BIRC6: variants seen among roughly 807,000 people sequenced by gnomAD.
BIRC6 encodes the protein dual E2 ubiquitin-conjugating enzyme/E3 ubiquitin-protein ligase BIRC6.
A neutral mutation model predicts 503.3 loss-of-function variants in BIRC6; 98 were observed. The ratio of observed to expected loss-of-function variants is 0.19; its 90% CI spans 0.17 to 0.23. BIRC6 has a LOEUF of 0.23. Among genes scored for constraint, BIRC6 ranks in the 10% least tolerant of loss-of-function variants. The pLI is 1.00. For missense variants in BIRC6, 5,360 were observed against 5,806.0 expected, an observed-to-expected ratio of 0.92 and a Z score of 2.50; for synonymous variants, 2,240 against 2,078.7, an observed-to-expected ratio of 1.08 and a Z score of -2.11.
rs183880516 is a variant in BIRC6, at chr2:32,441,337, A to C, written c.3819A>C (p.Ser1273=). ...LAKVAAGKEK[S]SNVKNENTSG... ...TTATTTGTAATGTTTAGGAAAAATC[A>C]TCTAATGTTAAGAATGAAAATACAA... Residue 1273 remains serine (S), a synonymous_variant, in exon 17 of 74, where the codon TCA becomes TCC. Transcript: ENST00000421745. 3 of 1,567,928 alleles carry C rather than the reference A, an allele frequency of 1.9e-6. No individual in the cohort carries two copies. The African/African-American group carries it at 4.1e-5, about 21-fold the overall frequency.
At chr2:32,443,301 A>C (rs1041753166) in intron 19 of BIRC6, 190 bp from the exon 20 acceptor site, 1 of 513,214 alleles carries the variant, frequency 1.9e-6, no homozygotes, top group African/African-American at 2.0e-5. Context: ...TGCATAAGAA[A>C]ATATTTACAA....
At chr2:32,611,826 G>A (rs1339002984) in intron 73 of BIRC6, among the ~76,000 whole-genome samples, 1 of 152,136 alleles carries the variant, frequency 6.6e-6, no homozygotes, top group Non-Finnish European at 1.5e-5. Flanking sequence ...GTTTTGTAAA[G>A]TTCCTTGAAG....
chr2:32,573,553 C>T (rs1393614143), intron 65 of BIRC6, among the ~76,000 whole-genome samples: 1 of 152,084 alleles, frequency 6.6e-6, no homozygotes, highest in African/African-American at 2.4e-5. Context: ...GATGTTAGAT[C>T]CTTATCTCAC....
intron 70 of BIRC6, among the ~76,000 whole-genome samples, chr2:32,600,607 CT>C (rs2061989491): frequency 6.6e-6 from 1 of 152,118 alleles, no homozygotes; most frequent in Non-Finnish European, 1.5e-5. Flanking sequence ...GCAACATTGA[CT>C]TTACTTGAGA....
chr2:32,581,612 A>C (rs1255716652), intron 66 of BIRC6, among the ~76,000 whole-genome samples: 2 of 152,244 alleles, frequency 1.3e-5, no homozygotes, highest in African/African-American at 4.8e-5. Flanking sequence ...TGCCATAAAT[A>C]GGAGACAGTG....
At chr2:32,364,439 C>T (rs2034579263) in intron 1 of BIRC6, among the ~76,000 whole-genome samples, 1 of 152,108 alleles carries the variant, frequency 6.6e-6, no homozygotes, top group Non-Finnish European at 1.5e-5. Context: ...GATGGAGTTT[C>T]ACCATGTTGG....
At chr2:32,576,415 C>G (rs1039664439) in intron 66 of BIRC6, among the ~76,000 whole-genome samples, 1 of 152,142 alleles carries the variant, frequency 6.6e-6, no homozygotes, top group Non-Finnish European at 1.5e-5. Context: ...TGACCTTTTC[C>G]TTTCTCATGG....
intron 39 of BIRC6, among the ~76,000 whole-genome samples, chr2:32,482,979 G>A (rs2050578706): frequency 6.7e-6 from 1 of 149,546 alleles, no homozygotes; most frequent in African/African-American, 2.5e-5. Flanking sequence ...GTGCAGTGAT[G>A]TGATCCCATC....
intron 9 of BIRC6, 38 bp downstream of exon 9, chr2:32,406,595 C>A (rs773953479): frequency 1.4e-6 from 2 of 1,449,604 alleles, no homozygotes; most frequent in Non-Finnish European, 1.9e-6. Flanking sequence ...TTAAAAAATT[C>A]TTTACACAGT....
At chr2:32,429,088 T>G (rs2043832600) in intron 10 of BIRC6, 58 bp from the exon 11 acceptor site, 1 of 1,393,994 alleles carries the variant, frequency 7.2e-7, no homozygotes, top group Non-Finnish European at 9.7e-7. Context: ...AGTATTACAT[T>G]TGAATATTTG....
At chr2:32,468,918 C>A in intron 29 of BIRC6, 135 bp downstream of exon 29, 1 of 666,770 alleles carries the variant, frequency 1.5e-6, no homozygotes. Flanking sequence ...TATGAAATGT[C>A]TCTTTAGGTT....
intron 8 of BIRC6, among the ~76,000 whole-genome samples, chr2:32,402,941 T>C (rs2040759819): frequency 6.6e-6 from 1 of 152,222 alleles, no homozygotes; most frequent in African/African-American, 2.4e-5. Context: ...ATCTGCATTT[T>C]AGATAAACAT....
intron 71 of BIRC6, among the ~76,000 whole-genome samples, chr2:32,605,810 A>G: frequency 6.6e-6 from 1 of 152,160 alleles, no homozygotes; most frequent in Non-Finnish European, 1.5e-5. Flanking sequence ...GTGAGCTGAG[A>G]TCGCACCACT....
Position 32,441,309 on chromosome 2 carries a change from T to C in BIRC6, c.3811-20T>C. On this transcript the variant is annotated intron_variant, in intron 16 of 73. Transcript: ENST00000421745. ...AGTTTAGTTTATTTTTTAAAATTCA[T>C]TATTATTTGTAATGTTTAGGAAAAA... The C allele has an allele frequency of 1.4e-6, 2 of 1,416,316 alleles. No homozygotes were observed. The highest frequency in any genetic ancestry group is 2.6e-5 in the South Asian group (2 of 75,552). The allele number at this position is 1,416,316 out of a possible 1,614,324, so 87.7% of individuals were successfully genotyped here.
intron 3 of BIRC6, among the ~76,000 whole-genome samples, chr2:32,383,453 T>G (rs1462330772): frequency 1.3e-5 from 2 of 152,230 alleles, no homozygotes; most frequent in East Asian, 3.8e-4. Flanking sequence ...TCATTCAGCA[T>G]CTCAACTGGT....
At chr2:32,616,444 C>G (rs2063244139) in intron 73 of BIRC6, among the ~76,000 whole-genome samples, 1 of 151,280 alleles carries the variant, frequency 6.6e-6, no homozygotes, top group South Asian at 2.1e-4. Context: ...CCTGTAATAG[C>G]AGTTGCTCGG....
chr2:32,430,802 CTTCTTTTT>C, intron 11 of BIRC6, 55 bp from the exon 12 acceptor site: 1 of 993,292 alleles, frequency 1.0e-6, no homozygotes, highest in Non-Finnish European at 1.5e-6. Flanking sequence ...ACTTCATTGT[CTTCTTTTT>C]TTTTTTTTTT....
intron 12 of BIRC6, among the ~76,000 whole-genome samples, chr2:32,432,218 C>T (rs987729303): frequency 6.6e-6 from 1 of 152,082 alleles, no homozygotes; most frequent in Non-Finnish European, 1.5e-5. Flanking sequence ...GAGTTTAAGA[C>T]CAGCCTGGCC....
intron 65 of BIRC6, among the ~76,000 whole-genome samples, chr2:32,560,582 T>A (rs933916010): frequency 6.6e-6 from 1 of 152,160 alleles, no homozygotes; most frequent in African/African-American, 2.4e-5. Context: ...AACTATATAT[T>A]TTTTCTTTTT....
Sources: gnomAD v4.1 joint callset for allele counts (sites outside exome capture counted in the v4.1 genomes callset) on GRCh38, gnomAD v4.1.1 for gene constraint, MANE v1.5 for transcripts, NCBI Gene and HGNC (gene_info 2026-07-23, HGNC 2026-07-21) for gene names.